Variants in COL24A1 observed in about 807,000 individuals in gnomAD.
COL24A1 encodes collagen type XXIV alpha 1 chain.
A neutral mutation model predicts 253.9 loss-of-function variants in COL24A1; 224 were observed. The ratio of observed to expected loss-of-function variants is 0.88; its 90% CI spans 0.79 to 0.99. The LOEUF is 0.99. Among genes scored for constraint, COL24A1 ranks in the 50% least tolerant of loss-of-function variants. COL24A1 has a pLI of 0.00. For missense variants in COL24A1, 2,131 were observed against 2,068.5 expected (o/e 1.03, Z -0.59); for synonymous variants, 685 against 673.7 (o/e 1.02, Z -0.26).
intron 7 of COL24A1, among the ~76,000 whole-genome samples, chr1:86,081,700 G>A (rs1040552835): frequency 5.9e-5 from 9 of 152,130 alleles, no homozygotes; most frequent in Admixed American, 2.6e-4. Flanking sequence ...CTTATGTAGT[G>A]ATTTGTGGAC....
intron 18 of COL24A1, among the ~76,000 whole-genome samples, chr1:86,018,835 T>C (rs1194405441): frequency 6.6e-6 from 1 of 152,172 alleles, no homozygotes; most frequent in Non-Finnish European, 1.5e-5. Flanking sequence ...GGAAAGTGTA[T>C]TTACGAACAA....
chr1:85,768,351 A>T (rs1667586924), intron 53 of COL24A1, among the ~76,000 whole-genome samples: 1 of 152,092 alleles, frequency 6.6e-6, no homozygotes, highest in African/African-American at 2.4e-5. Context: ...AGAATGATAT[A>T]ATTTGATTTA....
At chr1:85,818,412 A>G (rs1673263177) in intron 45 of COL24A1, among the ~76,000 whole-genome samples, 1 of 152,206 alleles carries the variant, frequency 6.6e-6, no homozygotes, top group East Asian at 1.9e-4. Flanking sequence ...TGAAAATGCT[A>G]CATATTTACT....
At chr1:85,919,420 T>C (rs1224703328) in intron 24 of COL24A1, among the ~76,000 whole-genome samples, 2 of 152,242 alleles carry the variant, frequency 1.3e-5, no homozygotes, top group Admixed American at 6.5e-5. Context: ...GGCTCATGCC[T>C]GTAATCCCAG....
At position 85,745,456 on chromosome 1, in the gene COL24A1, A is replaced by G; in HGVS notation, c.4488T>C (p.Thr1496=). ...AAIQALIESN[T]ALQMESYQNT... Reference sequence around the variant, plus strand: ...GATATGTTACCTCCATCTGTAGGGCAGTATTTGATTCAATCAAGGCTTGAA... The same window carrying G: ...GATATGTTACCTCCATCTGTAGGGCGGTATTTGATTCAATCAAGGCTTGAA... Residue 1496 remains threonine, a synonymous_variant, in exon 56 of 60, where the codon ACT becomes ACC. Transcript: ENST00000370571. 1 of 1,608,758 alleles carries G rather than the reference A, an allele frequency of 6.2e-7. No homozygotes were observed. The highest frequency in any genetic ancestry group is 2.2e-5 in the East Asian group (1 of 44,502).
intron 1 of COL24A1, among the ~76,000 whole-genome samples, chr1:86,148,909 C>T (rs918451856): frequency 1.3e-5 from 2 of 152,008 alleles, no homozygotes; most frequent in Non-Finnish European, 2.9e-5. Flanking sequence ...GTTCTAGATC[C>T]CTGAGGAATC....
chr1:86,029,229 G>C (rs978535202), intron 14 of COL24A1, among the ~76,000 whole-genome samples: 1 of 152,044 alleles, frequency 6.6e-6, no homozygotes, highest in Non-Finnish European at 1.5e-5. Context: ...ACATAAGGGA[G>C]TATAAGTTTT....
At chr1:85,831,967 T>C (rs1675345560) in intron 43 of COL24A1, among the ~76,000 whole-genome samples, 1 of 152,094 alleles carries the variant, frequency 6.6e-6, no homozygotes, top group Admixed American at 6.6e-5. Context: ...TTTGTTGACA[T>C]TGCTTTTGGT....
intron 57 of COL24A1, among the ~76,000 whole-genome samples, chr1:85,738,263 T>C (rs1664260972): frequency 6.6e-6 from 1 of 152,190 alleles, no homozygotes. Context: ...CTTCCATCTC[T>C]TGAAGGAAAA....
chr1:85,942,950 T>C (rs547636717), intron 24 of COL24A1, among the ~76,000 whole-genome samples: 1 of 152,278 alleles, frequency 6.6e-6, no homozygotes, highest in South Asian at 2.1e-4. Flanking sequence ...GGTAAAGCAT[T>C]ACTTTGGGTG....
intron 3 of COL24A1, among the ~76,000 whole-genome samples, chr1:86,118,398 A>T (rs550312429): frequency 6.6e-6 from 1 of 152,304 alleles, no homozygotes; most frequent in East Asian, 1.9e-4. Context: ...AAGGCACAGC[A>T]ATCACTGAGT....
chr1:86,120,752 G>T (rs1330174004), intron 3 of COL24A1, among the ~76,000 whole-genome samples: 1 of 152,142 alleles, frequency 6.6e-6, no homozygotes, highest in Non-Finnish European at 1.5e-5. Context: ...CAAGGATCTA[G>T]AACTAGAAAT....
intron 19 of COL24A1, among the ~76,000 whole-genome samples, chr1:85,998,391 GC>G (rs1172848047): frequency 1.4e-4 from 22 of 152,268 alleles, no homozygotes; most frequent in Middle Eastern, 3.4e-3. Flanking sequence ...GTCAGAATCA[GC>G]ACTGATTATT....
intron 19 of COL24A1, among the ~76,000 whole-genome samples, chr1:86,006,753 G>A (rs943376811): frequency 1.3e-5 from 2 of 151,748 alleles, no homozygotes; most frequent in Non-Finnish European, 2.9e-5. Context: ...ATAAAGAACT[G>A]TTACCCCAAA....
At chr1:85,789,365 G>A (rs1351506329) in intron 47 of COL24A1, among the ~76,000 whole-genome samples, 1 of 152,084 alleles carries the variant, frequency 6.6e-6, no homozygotes, top group African/African-American at 2.4e-5. Flanking sequence ...CTGCTTGTCT[G>A]CTGTTGGTGT....
At position 85,907,238 on chromosome 1, in the gene COL24A1, C is replaced by T. The variant is rs1684930136; in HGVS notation, c.2734G>A (p.Gly912Arg). Residue 912 changes from glycine to arginine, a missense_variant, in exon 28 of 60, where the codon GGG becomes AGG. Gly to Arg is a moderately radical substitution (Grantham distance 125). Coordinates refer to ENST00000370571, the MANE Select transcript of COL24A1 (RefSeq NM_152890.7). ...IGPLGLPGHV[G>R]ARGPPGSQGP... is the part of the protein sequence containing the mutation. The stretch of plus-strand genomic sequence containing the variant: ...TGACTCCCAGGTGGTCCTCTTGCCC[C>T]CACATGACCCTATATGTTGTAAATT... The T allele has an allele frequency of 2.5e-6, 4 of 1,610,842 alleles. No individual in the cohort carries two copies. In the East Asian group the frequency reaches 8.9e-5, roughly 36 times the overall value.
chr1:85,955,029 G>T (rs1056121866), intron 24 of COL24A1, among the ~76,000 whole-genome samples: 2 of 152,142 alleles, frequency 1.3e-5, no homozygotes, highest in African/African-American at 4.8e-5. Context: ...AACTGGTGAG[G>T]GCTCCACCCT....
chr1:86,086,668 A>G (rs540136972), intron 7 of COL24A1, among the ~76,000 whole-genome samples: 70 of 152,334 alleles, frequency 4.6e-4, no homozygotes, highest in Non-Finnish European at 8.1e-4. Flanking sequence ...AACACATCAA[A>G]CATGAAAAAG....
chr1:85,771,480 T>C (rs936073737), intron 53 of COL24A1, among the ~76,000 whole-genome samples: 2 of 152,178 alleles, frequency 1.3e-5, no homozygotes, highest in African/African-American at 4.8e-5. Flanking sequence ...ATGTGCCACA[T>C]TTTCTTAATC....
Sources: gnomAD v4.1 joint callset for allele counts (sites outside exome capture counted in the v4.1 genomes callset) on GRCh38, gnomAD v4.1.1 for gene constraint, MANE v1.5 for transcripts, NCBI Gene and HGNC (gene_info 2026-07-23, HGNC 2026-07-21) for gene names.